Variants in CUX2 observed in about 807,000 individuals in gnomAD.
The protein encoded by CUX2 is cut like homeobox 2.
Under a neutral mutation model 144.8 loss-of-function variants are expected in CUX2, and 40 were observed. That is an observed-to-expected ratio of 0.28 (90% CI 0.21 to 0.36). The LOEUF (loss-of-function observed/expected upper bound fraction) is 0.36. Among genes scored for constraint, CUX2 ranks in the 10% least tolerant of loss-of-function variants. The pLI, the probability that CUX2 is intolerant of heterozygous loss-of-function variation, is 1.00. For missense variants in CUX2, 1,615 were observed against 1,994.0 expected, an observed-to-expected ratio of 0.81 and a Z score of 3.62; for synonymous variants, 827 against 875.6, an observed-to-expected ratio of 0.94 and a Z score of 0.98.
At chr12:111,210,811 GACA>G (rs10532968) in intron 1 of CUX2, among the ~76,000 whole-genome samples, 26,355 of 149,984 alleles carry the variant, frequency 0.18, 2,905 homozygotes, top group East Asian at 0.58. Flanking sequence ...AAAAAAAAAA[GACA>G]ACATTTATTG....
At chr12:111,198,266 G>A (rs572494977) in intron 1 of CUX2, among the ~76,000 whole-genome samples, 1 of 152,082 alleles carries the variant, frequency 6.6e-6, no homozygotes, top group South Asian at 2.1e-4. Flanking sequence ...ACTTGAGTTC[G>A]GGAGTTTGAG....
intron 4 of CUX2, among the ~76,000 whole-genome samples, chr12:111,281,839 C>G (rs1885128019): frequency 6.6e-6 from 1 of 152,020 alleles, no homozygotes; most frequent in Non-Finnish European, 1.5e-5. Flanking sequence ...TAGGGGAAGG[C>G]CCGTGAAGGA....
intron 1 of CUX2, among the ~76,000 whole-genome samples, chr12:111,202,694 G>A (rs1193690690): frequency 1.2e-4 from 19 of 152,176 alleles, no homozygotes; most frequent in Admixed American, 1.2e-3. Context: ...GGCAGGAGGC[G>A]GGCAGGGAAA....
At chr12:111,247,320 A>T (rs1180310070) in intron 3 of CUX2, among the ~76,000 whole-genome samples, 1 of 152,228 alleles carries the variant, frequency 6.6e-6, no homozygotes, top group Admixed American at 6.5e-5. Flanking sequence ...CACTCCACAG[A>T]TACGTCCAGA....
At position 111,045,169 on chromosome 12, in the gene CUX2, C is replaced by T. The variant is rs149856086; in HGVS notation, c.63+10929C>T. On this transcript the variant is annotated intron_variant, in intron 1 of 21. Coordinates refer to ENST00000261726, the MANE Select transcript of CUX2 (RefSeq NM_015267.4). ...GATCATCCCAGCAGGCATGAGAAAG[C>T]GGCCTGGGTCTCTGGACAGTGATCC... Among the ~76,000 whole-genome samples, 274 of 152,308 alleles carry T rather than the reference C, an allele frequency of 1.8e-3. 1 individual carries two copies. Among genetic ancestry groups the T allele is most frequent in the African/African-American group, 6.1e-3 (255 of 41,570 alleles).
intron 18 of CUX2, among the ~76,000 whole-genome samples, chr12:111,324,178 G>A (rs79964883): frequency 2.0e-5 from 3 of 151,848 alleles, no homozygotes; most frequent in South Asian, 2.1e-4. Context: ...GTGAAACCCC[G>A]TCTCTACTAA....
intron 1 of CUX2, among the ~76,000 whole-genome samples, chr12:111,060,177 T>A (rs1203967571): frequency 6.6e-6 from 1 of 152,168 alleles, no homozygotes; most frequent in Non-Finnish European, 1.5e-5. Context: ...AACTTCTACC[T>A]TATGAGGCTG....
intron 1 of CUX2, among the ~76,000 whole-genome samples, chr12:111,071,758 T>C (rs918317888): frequency 1.3e-5 from 2 of 152,360 alleles, no homozygotes; most frequent in East Asian, 3.9e-4. Flanking sequence ...CCATGATCCA[T>C]TTTGAGTTAA....
rs1278023482 is a variant in CUX2 at position 111,310,819 on chromosome 12, C to A, written c.1900+137C>A. On this transcript the variant is annotated intron_variant, in intron 15 of 21. Transcript: ENST00000261726. The surrounding 1 kb of genome is among the most constrained non-coding windows in gnomAD (Gnocchi z 7.9). ...TGGCTGTGTGACCCAGGGCCAGTGG[C>A]TTTGCCTGTCTGTGCCTCAGTTTCC... is the stretch of plus-strand genomic sequence containing the variant. 1 of 962,964 alleles carries A rather than the reference C, an allele frequency of 1.0e-6. No homozygotes were observed. The highest frequency in any genetic ancestry group is 1.5e-6 in the Non-Finnish European group (1 of 670,756). The allele number at this position is 962,964 out of a possible 1,614,324, so 59.7% of individuals were successfully genotyped here.
At position 111,334,437 on chromosome 12, in the gene CUX2, A is replaced by G. The variant is rs79862743; in HGVS notation, c.2927-4A>G. Reference sequence around the variant, plus strand: ...ACCACCTTCTCTTTCTCTGTGGCCCACAGCCAGTCCCACAGAACCAAGGTC... The same window carrying G: ...ACCACCTTCTCTTTCTCTGTGGCCCGCAGCCAGTCCCACAGAACCAAGGTC... On this transcript the variant is annotated splice_polypyrimidine_tract_variant and splice_region_variant and intron_variant, in intron 18 of 21. Transcript: ENST00000261726. The G allele has an allele frequency of 4.4e-6, 7 of 1,577,372 alleles. No homozygotes were observed. In the African/African-American group the frequency reaches 6.8e-5, roughly 15 times the overall value.
intron 1 of CUX2, among the ~76,000 whole-genome samples, chr12:111,197,386 G>C (rs1880304929): frequency 6.6e-6 from 1 of 152,200 alleles, no homozygotes; most frequent in Non-Finnish European, 1.5e-5. Context: ...GTGAAAGCTG[G>C]GATGTTAGAC....
At chr12:111,211,936 T>G (rs1186402528) in intron 1 of CUX2, among the ~76,000 whole-genome samples, 1 of 151,396 alleles carries the variant, frequency 6.6e-6, no homozygotes, top group African/African-American at 2.4e-5. Flanking sequence ...GATAGAGAGC[T>G]GTAAACCCAT....
At chr12:111,159,770 A>C (rs145863285) in intron 1 of CUX2, among the ~76,000 whole-genome samples, 1 of 152,200 alleles carries the variant, frequency 6.6e-6, no homozygotes, top group African/African-American at 2.4e-5. Flanking sequence ...CACGCCTGTA[A>C]TCCCAGCACT....
chr12:111,041,902 G>A (rs1234981897), intron 1 of CUX2, among the ~76,000 whole-genome samples: 10 of 152,176 alleles, frequency 6.6e-5, no homozygotes, highest in African/African-American at 2.2e-4. Context: ...AAGATACCCG[G>A]TTAGTAGGGT....
chr12:111,293,334 C>T lies in CUX2; in HGVS notation c.437-112C>T. On this transcript the variant is annotated intron_variant, in intron 5 of 21. Coordinates refer to ENST00000261726, the MANE Select transcript of CUX2 (RefSeq NM_015267.4). This position sits in a 1 kb window ranked among gnomAD's most constrained non-coding sequence, Gnocchi z 4.5. ...CCACAGCTGCGCTCTCTCCAAGGCCCAAGTTTGGGAAATTGATCACAATCA... is the reference window on the plus strand; with the variant it reads ...CCACAGCTGCGCTCTCTCCAAGGCCTAAGTTTGGGAAATTGATCACAATCA... 1 of 1,453,838 alleles carries T rather than the reference C, an allele frequency of 6.9e-7. No individual in the cohort carries two copies. Among genetic ancestry groups the T allele is most frequent in the South Asian group, 1.5e-5 (1 of 68,722 alleles). 90.1% of individuals were successfully genotyped at this position (1,453,838 alleles called of 1,614,324 possible).
intron 1 of CUX2, among the ~76,000 whole-genome samples, chr12:111,121,140 A>G (rs1034918300): frequency 8.6e-5 from 13 of 150,962 alleles, no homozygotes; most frequent in Non-Finnish European, 1.6e-4. Context: ...CTAACTCGAT[A>G]TCTTATTTTT....
At chr12:111,339,075 A>G (rs1286827231) in intron 20 of CUX2, among the ~76,000 whole-genome samples, 2 of 151,864 alleles carry the variant, frequency 1.3e-5, no homozygotes, top group African/African-American at 4.8e-5. Flanking sequence ...TCTACTAAAA[A>G]TAAAAAATTA....
chr12:111,130,184 C>T (rs529854264), intron 1 of CUX2, among the ~76,000 whole-genome samples: 21 of 152,152 alleles, frequency 1.4e-4, no homozygotes, highest in African/African-American at 1.7e-4. Flanking sequence ...TAAGGGGACC[C>T]GGCCTCCCCT....
intron 20 of CUX2, among the ~76,000 whole-genome samples, chr12:111,340,702 G>A (rs1888538359): frequency 6.6e-6 from 1 of 152,176 alleles, no homozygotes; most frequent in African/African-American, 2.4e-5. Flanking sequence ...TACGTTCTTA[G>A]CTCCCACGAT....
Sources: allele counts gnomAD v4.1 joint callset (sites outside exome capture counted in the v4.1 genomes callset), GRCh38; gene constraint gnomAD v4.1.1; non-coding constraint Gnocchi (gnomAD v3.1); transcripts MANE v1.5; gene names NCBI Gene and HGNC (gene_info 2026-07-23, HGNC 2026-07-21).